The following PPARGC1A variants were observed in gnomAD, a reference collection of about 807,000 sequenced individuals.
PPARGC1A encodes the protein PPARG coactivator 1 alpha.
PPARGC1A carries 25 observed loss-of-function variants against 88.7 expected under a neutral mutation model. That is an observed-to-expected ratio of 0.28 (90% CI 0.21 to 0.39). The LOEUF is 0.39. PPARGC1A is among the 10% of genes least tolerant of loss of function. The probability of loss-of-function intolerance (pLI) is 1.00; values close to 1 mark genes in which losing one functional copy is unlikely to be tolerated. For missense variants in PPARGC1A, 880 were observed against 968.7 expected, an observed-to-expected ratio of 0.91 and a Z score of 1.22; for synonymous variants, 363 against 355.6, an observed-to-expected ratio of 1.02 and a Z score of -0.24.
chr4:24,090,983 G>A, the PPARGC1A span, among the ~76,000 whole-genome samples: 1 of 152,274 alleles, frequency 6.6e-6, no homozygotes, highest in South Asian at 2.1e-4. Flanking sequence ...TACCTATTAT[G>A]AGTTCAGCAT....
Position 23,808,293 on chromosome 4 carries a change from T to G in PPARGC1A, c.2019+4454A>C, listed in dbSNP as rs143411859. 5.9e-5 allele frequency among the ~76,000 whole-genome samples: 9 copies of G among 152,096 alleles called. No homozygotes were observed. The East Asian group carries it at 1.7e-3, about 29-fold the overall frequency. On this transcript the variant is annotated intron_variant, in intron 10 of 12. Transcript: ENST00000264867. ...ACCCTGAGTAATTGCACAATTTTTT[T>G]CATTTCATTTGGAAGAAGTTTATAA...
At chr4:24,418,951 G>A in the PPARGC1A span, among the ~76,000 whole-genome samples, 1 of 152,106 alleles carries the variant, frequency 6.6e-6, no homozygotes, top group African/African-American at 2.4e-5. Flanking sequence ...CTGTTATTCA[G>A]TTTTCACTCT....
At chr4:24,386,296 G>T in the PPARGC1A span, among the ~76,000 whole-genome samples, 1 of 152,092 alleles carries the variant, frequency 6.6e-6, no homozygotes, top group Non-Finnish European at 1.5e-5. Context: ...TACTGAATGG[G>T]CAAAAGCTGG....
At chr4:24,424,951 C>T in the PPARGC1A span, among the ~76,000 whole-genome samples, 1 of 152,184 alleles carries the variant, frequency 6.6e-6, no homozygotes, top group East Asian at 1.9e-4. Flanking sequence ...AACAAGCAAT[C>T]TAATATATGA....
intron 2 of PPARGC1A, among the ~76,000 whole-genome samples, chr4:23,881,461 TATC>T (rs1367164441): frequency 1.3e-5 from 2 of 152,198 alleles, no homozygotes. Context: ...CTTCATTTTT[TATC>T]ATTATTAAGT....
At chr4:24,098,845 A>G in the PPARGC1A span, among the ~76,000 whole-genome samples, 3 of 152,248 alleles carry the variant, frequency 2.0e-5, no homozygotes, top group South Asian at 6.2e-4. Flanking sequence ...AAATAATGTA[A>G]TAAAAAACAA....
At chr4:24,295,719 G>T in the PPARGC1A span, among the ~76,000 whole-genome samples, 7 of 149,060 alleles carry the variant, frequency 4.7e-5, no homozygotes, top group South Asian at 2.1e-4. Context: ...ACACATATAC[G>T]TATTATATGC....
the PPARGC1A span, among the ~76,000 whole-genome samples, chr4:24,150,677 C>T: frequency 2.6e-5 from 4 of 152,120 alleles, no homozygotes; most frequent in African/African-American, 4.8e-5. Context: ...CTTTTCAGTG[C>T]CGTGGGCATT....
the PPARGC1A span, among the ~76,000 whole-genome samples, chr4:23,987,166 G>T: frequency 6.6e-6 from 1 of 151,970 alleles, no homozygotes; most frequent in Admixed American, 6.6e-5. Context: ...GCACAGAATT[G>T]CAAAATCGCT....
chr4:24,140,037 T>C, the PPARGC1A span, among the ~76,000 whole-genome samples: 3 of 152,182 alleles, frequency 2.0e-5, no homozygotes, highest in Non-Finnish European at 2.9e-5. Flanking sequence ...CCAGGTACCA[T>C]GCCCACCATC....
the PPARGC1A span, among the ~76,000 whole-genome samples, chr4:24,072,008 G>A: frequency 1.3e-5 from 2 of 151,672 alleles, no homozygotes; most frequent in African/African-American, 4.8e-5. Flanking sequence ...CTGAAAAATA[G>A]GAAGAAGTAA....
the PPARGC1A span, among the ~76,000 whole-genome samples, chr4:24,443,400 T>G: frequency 6.6e-6 from 1 of 152,174 alleles, no homozygotes; most frequent in Non-Finnish European, 1.5e-5. Flanking sequence ...ACAGCTCATC[T>G]GGCTCTGGCA....
chr4:23,861,444 C>T (rs1731210879), intron 2 of PPARGC1A, among the ~76,000 whole-genome samples: 1 of 152,138 alleles, frequency 6.6e-6, no homozygotes. Context: ...TCATTCATTC[C>T]TTCATTCACC....
At chr4:23,850,370 C>T (rs1729066566) in intron 2 of PPARGC1A, among the ~76,000 whole-genome samples, 1 of 152,160 alleles carries the variant, frequency 6.6e-6, no homozygotes, top group Non-Finnish European at 1.5e-5. Context: ...TGACAGTGCT[C>T]AGAGTAATAT....
chr4:24,012,723 AAGAC>A, the PPARGC1A span, among the ~76,000 whole-genome samples: 3 of 152,170 alleles, frequency 2.0e-5, no homozygotes, highest in Non-Finnish European at 4.4e-5. Context: ...GGTGGGAAGA[AAGAC>A]TAATTACTAA....
At chr4:24,387,918 G>GAA in the PPARGC1A span, among the ~76,000 whole-genome samples, 1 of 11,820 alleles carries the variant, frequency 8.5e-5, no homozygotes, top group Non-Finnish European at 4.6e-4. Context: ...AAGAAAGAAA[G>GAA]AAAGAAAGAA....
chr4:24,444,194 G>A, the PPARGC1A span, among the ~76,000 whole-genome samples: 1 of 151,930 alleles, frequency 6.6e-6, no homozygotes, highest in East Asian at 1.9e-4. Context: ...CCACCACATC[G>A]GTTAATTTTT....
At chr4:24,138,622 T>C in the PPARGC1A span, among the ~76,000 whole-genome samples, 3 of 152,150 alleles carry the variant, frequency 2.0e-5, no homozygotes, top group African/African-American at 7.2e-5. Flanking sequence ...ATCACTGAAG[T>C]CTTAGCAAGC....
chr4:24,181,325 TA>T, the PPARGC1A span, among the ~76,000 whole-genome samples: 1 of 152,272 alleles, frequency 6.6e-6, no homozygotes, highest in Admixed American at 6.5e-5. Context: ...GTATCTTGGG[TA>T]AATTGTTTTA....
Sources: gnomAD v4.1 joint callset for allele counts (sites outside exome capture counted in the v4.1 genomes callset) on GRCh38, gnomAD v4.1.1 for gene constraint, MANE v1.5 for transcripts, NCBI Gene and HGNC (gene_info 2026-07-23, HGNC 2026-07-21) for gene names.